Variants in PDZD2 observed in about 807,000 individuals in gnomAD.
PDZD2 encodes the protein PDZ domain containing 2, also known as PDZ domain-containing protein 2.
PDZD2 carries 90 observed loss-of-function variants against 220.7 expected under a neutral mutation model. The observed-to-expected ratio is 0.41, with a 90% CI of 0.34 to 0.49. The LOEUF is 0.49. PDZD2 is among the 20% of genes least tolerant of loss of function. PDZD2 has a pLI of 0.28. For synonymous variants in PDZD2, 1,375 were observed against 1,450.5 expected (o/e 0.95, Z 1.18); for missense variants, 3,174 against 3,608.5 (o/e 0.88, Z 3.08).
intron 8 of PDZD2, among the ~76,000 whole-genome samples, chr5:32,050,385 C>G (rs779136841): frequency 1.3e-5 from 2 of 152,176 alleles, no homozygotes; most frequent in Non-Finnish European, 2.9e-5. Context: ...GATCGGGAAG[C>G]CCAGGCCAGG....
chr5:31,765,033 C>T (rs1016914114), intron 1 of PDZD2, among the ~76,000 whole-genome samples: 4 of 151,864 alleles, frequency 2.6e-5, no homozygotes, highest in African/African-American at 7.3e-5. Context: ...GCCGAGATCA[C>T]GCTACTGCAC....
intron 2 of PDZD2, among the ~76,000 whole-genome samples, chr5:31,817,227 C>T (rs970037132): frequency 8.3e-5 from 12 of 143,920 alleles, no homozygotes; most frequent in African/African-American, 2.8e-4. Flanking sequence ...GGTGTGGTGG[C>T]TCACACCTGT....
chr5:32,094,331 T>G (rs763902901), intron 21 of PDZD2, among the ~76,000 whole-genome samples: 1 of 152,260 alleles, frequency 6.6e-6, no homozygotes, highest in Non-Finnish European at 1.5e-5. Flanking sequence ...TTCTTGGGGC[T>G]ATACGTAGAG....
At position 32,008,082 on chromosome 5, in the gene PDZD2, G is replaced by T. The variant is rs564787627; in HGVS notation, c.1255-2248G>T. ...AGATGGGAGGACTACTTGAGGCCAGGAGTTCGAGACCAGCCTGGTCAACAT... is the reference window on the plus strand; with the variant it reads ...AGATGGGAGGACTACTTGAGGCCAGTAGTTCGAGACCAGCCTGGTCAACAT... On this transcript the variant is annotated intron_variant, in intron 5 of 24. Transcript: ENST00000438447. Among the ~76,000 whole-genome samples, 7 of 150,222 alleles carry T rather than the reference G, an allele frequency of 4.7e-5. No individual in the cohort carries two copies. In the South Asian group the frequency reaches 1.5e-3, roughly 32 times the overall value.
chr5:31,973,895 C>T (rs934767687), intron 2 of PDZD2, among the ~76,000 whole-genome samples: 38 of 152,098 alleles, frequency 2.5e-4, no homozygotes, highest in Admixed American at 1.6e-3. Flanking sequence ...TGGTGGCCTG[C>T]GCCTATAGTC....
At chr5:31,944,564 A>C (rs937102312) in intron 2 of PDZD2, among the ~76,000 whole-genome samples, 7 of 152,224 alleles carry the variant, frequency 4.6e-5, no homozygotes, top group African/African-American at 1.2e-4. Flanking sequence ...TTGTGAGAAG[A>C]GATGTTCCAG....
intron 1 of PDZD2, among the ~76,000 whole-genome samples, chr5:31,643,504 C>G (rs1301911094): frequency 6.6e-6 from 1 of 152,168 alleles, no homozygotes; most frequent in Admixed American, 6.5e-5. Context: ...CTCGGTAACA[C>G]CTGCATTTGA....
At chr5:31,668,889 A>G (rs2150116683) in intron 1 of PDZD2, among the ~76,000 whole-genome samples, 1 of 152,352 alleles carries the variant, frequency 6.6e-6, no homozygotes, top group African/African-American at 2.4e-5. Flanking sequence ...TAAAATAGAC[A>G]AACCAAGGCA....
At chr5:32,048,288 C>T (rs1414247085) in intron 7 of PDZD2, among the ~76,000 whole-genome samples, 7 of 152,164 alleles carry the variant, frequency 4.6e-5, no homozygotes, top group Non-Finnish European at 1.0e-4. Context: ...TTTACATTGC[C>T]CCTCATCTAA....
Position 31,822,119 on chromosome 5 carries a change from A to G in PDZD2, c.476+22395A>G, listed in dbSNP as rs182204659. On this transcript the variant is annotated intron_variant, in intron 2 of 24. Coordinates refer to ENST00000438447, the MANE Select transcript of PDZD2 (RefSeq NM_178140.4). ...TTGATGGGCATTTGGGCTGGTTCCA[A>G]GTCTTTGCTATTGTAAATAGTGCTG... Among the ~76,000 whole-genome samples the G allele has an allele frequency of 4.3e-3, 654 of 152,188 alleles. 3 individuals carry two copies. Among genetic ancestry groups the G allele is most frequent in the African/African-American group, 0.015 (639 of 41,512 alleles).
In PDZD2 at chr5:31,904,677, A is replaced by G. The variant is rs1429783744; in HGVS notation, c.477-78478A>G. Among the ~76,000 whole-genome samples the G allele has an allele frequency of 3.3e-5, 5 of 152,094 alleles. No individual in the cohort carries two copies. In the East Asian group the frequency reaches 7.8e-4, roughly 24 times the overall value. ...CAAGTAGCTGGGACTACAGGCGCCC[A>G]CCACCACACCCAGCTAATTTTTTTG... On this transcript the variant is annotated intron_variant, in intron 2 of 24. Coordinates refer to ENST00000438447, the MANE Select transcript of PDZD2 (RefSeq NM_178140.4).
At chr5:31,687,635 T>C (rs1014233684) in intron 1 of PDZD2, among the ~76,000 whole-genome samples, 14 of 152,332 alleles carry the variant, frequency 9.2e-5, no homozygotes, top group Admixed American at 4.6e-4. Flanking sequence ...CATAACAAAA[T>C]ACCATAGACT....
intron 1 of PDZD2, among the ~76,000 whole-genome samples, chr5:31,766,214 G>A (rs1465553511): frequency 6.6e-6 from 1 of 152,004 alleles, no homozygotes; most frequent in East Asian, 1.9e-4. Context: ...CTGCCTGATT[G>A]GTTTTTGCTG....
At chr5:31,679,435 T>C (rs1042931039) in intron 1 of PDZD2, among the ~76,000 whole-genome samples, 1 of 152,176 alleles carries the variant, frequency 6.6e-6, no homozygotes, top group Non-Finnish European at 1.5e-5. Context: ...TTGTGGGGCA[T>C]TGTGATCTGA....
chr5:31,751,139 G>C (rs940479689), intron 1 of PDZD2, among the ~76,000 whole-genome samples: 12 of 152,054 alleles, frequency 7.9e-5, no homozygotes, highest in African/African-American at 2.9e-4. Context: ...CTACTCGGAG[G>C]CCGAAGCAGG....
At chr5:31,658,124 TAA>T (rs1745622346) in intron 1 of PDZD2, among the ~76,000 whole-genome samples, 1 of 152,194 alleles carries the variant, frequency 6.6e-6, no homozygotes, top group Non-Finnish European at 1.5e-5. Flanking sequence ...AATCGCAGAA[TAA>T]TGGTCTCTAA....
chr5:31,789,014 T>C (rs1427301788), intron 1 of PDZD2, among the ~76,000 whole-genome samples: 2 of 152,314 alleles, frequency 1.3e-5, no homozygotes, highest in South Asian at 4.1e-4. Context: ...GAAAGCAATA[T>C]ATTCACTAAG....
chr5:31,825,093 A>G (rs901192819), intron 2 of PDZD2, among the ~76,000 whole-genome samples: 3 of 152,172 alleles, frequency 2.0e-5, no homozygotes, highest in Admixed American at 6.5e-5. Flanking sequence ...GCCACCCACC[A>G]GGGATAGATA....
At chr5:31,736,883 T>G (rs1253180511) in intron 1 of PDZD2, among the ~76,000 whole-genome samples, 1 of 152,182 alleles carries the variant, frequency 6.6e-6, no homozygotes, top group South Asian at 2.1e-4. Flanking sequence ...TTTAAATGTG[T>G]GTGGCACCTC....
Sources: gnomAD v4.1 joint callset for allele counts (sites outside exome capture counted in the v4.1 genomes callset) on GRCh38, gnomAD v4.1.1 for gene constraint, MANE v1.5 for transcripts, NCBI Gene and HGNC (gene_info 2026-07-23, HGNC 2026-07-21) for gene names.